SLC2A14: variants seen among roughly 807,000 people sequenced by gnomAD.
SLC2A14 encodes solute carrier family 2 member 14.
SLC2A14 carries 13 observed loss-of-function variants against 43.0 expected under a neutral mutation model. The observed-to-expected ratio is 0.30, with a 90% CI of 0.20 to 0.48. The LOEUF is 0.48. Ranked by LOEUF, SLC2A14 falls within the 20% of genes least tolerant of loss-of-function variation. The probability of loss-of-function intolerance (pLI) is 0.99; values close to 1 mark genes in which losing one functional copy is unlikely to be tolerated. For missense variants in SLC2A14, 428 were observed against 620.4 expected, an observed-to-expected ratio of 0.69 and a Z score of 3.29; for synonymous variants, 190 against 233.8, an observed-to-expected ratio of 0.81 and a Z score of 1.71.
In SLC2A14 at chr12:7,832,916, T is replaced by A. The variant is rs1297572943; in HGVS notation, c.19-102A>T. The A allele has an allele frequency of 4.4e-6, 5 of 1,129,024 alleles. No homozygotes were observed. In the Admixed American group the frequency reaches 1.1e-4, roughly 25 times the overall value. The allele number at this position is 1,129,024 out of a possible 1,614,324, so 69.9% of individuals were successfully genotyped here. A position where few individuals can be genotyped will look rare whatever the true frequency, so the allele number is the denominator to read the frequency against. On this transcript the variant is annotated intron_variant, in intron 2 of 10. Coordinates refer to ENST00000431042, the MANE Select transcript of SLC2A14 (RefSeq NM_001286234.2). ...AGCTGTATTAGGAGAATCTGACCTATGAGTGGTATGAAAAGGACAAACATC... is the reference window on the plus strand; with the variant it reads ...AGCTGTATTAGGAGAATCTGACCTAAGAGTGGTATGAAAAGGACAAACATC...
chr12:7,829,618 C>T lies in SLC2A14; in HGVS notation c.513+148G>A, dbSNP rs184049135. On this transcript the variant is annotated intron_variant, in intron 5 of 10. Coordinates refer to ENST00000431042, the MANE Select transcript of SLC2A14 (RefSeq NM_001286234.2). ...TTGTGCTTCTTTTCCTTTCTCTACT[C>T]AACCTGCTTCTTCAGCTACTATCTA... The T allele has an allele frequency of 1.0e-4, 124 of 1,220,608 alleles. No homozygotes were observed. The African/African-American group carries it at 1.7e-3, about 17-fold the overall frequency. The allele number at this position is 1,220,608 out of a possible 1,614,324, so 75.6% of individuals were successfully genotyped here. A position where few individuals can be genotyped will look rare whatever the true frequency, so the allele number is the denominator to read the frequency against.
intron 1 of SLC2A14, among the ~76,000 whole-genome samples, chr12:7,880,556 T>G (rs775717420): frequency 6.6e-5 from 10 of 151,706 alleles, no homozygotes; most frequent in African/African-American, 1.9e-4. Context: ...AGGCTGGGTG[T>G]GGTGGCCCAT....
chr12:7,858,630 G>T (rs1411777133), intron 2 of SLC2A14, among the ~76,000 whole-genome samples: 1 of 152,094 alleles, frequency 6.6e-6, no homozygotes, highest in African/African-American at 2.4e-5. Context: ...CTCCCGAGTA[G>T]CTGGGATTCC....
At chr12:7,815,270 G>T (rs1863333900) in intron 10 of SLC2A14, among the ~76,000 whole-genome samples, 1 of 151,568 alleles carries the variant, frequency 6.6e-6, no homozygotes, top group Non-Finnish European at 1.5e-5. Flanking sequence ...AAAAAAAATT[G>T]CTGGGAGTGG....
At chr12:7,840,584 C>T (rs1433150997) in intron 2 of SLC2A14, among the ~76,000 whole-genome samples, 2 of 152,066 alleles carry the variant, frequency 1.3e-5, no homozygotes, top group African/African-American at 4.8e-5. Flanking sequence ...CAGGGTTTCA[C>T]CATGTTGGTC....
rs1172207954 is a variant in SLC2A14 at position 7,814,134 on chromosome 12, T to C, written c.*182A>G. ...GAAGAGGATGTCCAGGAAATAAAAT[T>C]TAAAAAGCCATTGAAGATCCAACAA... is the stretch of plus-strand genomic sequence containing the variant. On this transcript the variant is annotated 3_prime_UTR_variant, in exon 11 of 11. Coordinates refer to ENST00000431042, the MANE Select transcript of SLC2A14 (RefSeq NM_001286234.2). The C allele has an allele frequency of 9.3e-6, 10 of 1,074,522 alleles. No homozygotes were observed. The African/African-American group carries it at 1.4e-4, about 15-fold the overall frequency. 66.6% of individuals were successfully genotyped at this position (1,074,522 alleles called of 1,614,324 possible).
At chr12:7,889,523 G>A (rs1017001715) in intron 1 of SLC2A14, among the ~76,000 whole-genome samples, 2 of 143,720 alleles carry the variant, frequency 1.4e-5, no homozygotes, top group African/African-American at 5.1e-5. Context: ...GTGAGCCACC[G>A]TGCCTGACCT....
At chr12:7,885,785 T>G (rs1945677717) in intron 1 of SLC2A14, among the ~76,000 whole-genome samples, 2 of 152,214 alleles carry the variant, frequency 1.3e-5, no homozygotes, top group South Asian at 2.1e-4. Flanking sequence ...CAATAAGTGA[T>G]GCTCATCGTG....
chr12:7,873,092 A>G, upstream of SLC2A14: 3 of 985,350 alleles, frequency 3.0e-6, no homozygotes, highest in Non-Finnish European at 3.6e-6. Context: ...TGCGCACCGC[A>G]CGGTCCAGCC....
chr12:7,882,107 C>T (rs887221299), intron 1 of SLC2A14, among the ~76,000 whole-genome samples: 3 of 151,988 alleles, frequency 2.0e-5, no homozygotes, highest in African/African-American at 7.2e-5. Flanking sequence ...TTCTTTTTTT[C>T]TTTGCAATAA....
intron 7 of SLC2A14, among the ~76,000 whole-genome samples, chr12:7,826,811 G>A (rs1341321815): frequency 4.1e-5 from 6 of 146,382 alleles, no homozygotes; most frequent in Admixed American, 6.8e-5. Context: ...TTCCAGGCTC[G>A]CTCTTTTTTC....
chr12:7,887,982 C>T (rs1397379559), intron 1 of SLC2A14, among the ~76,000 whole-genome samples: 1 of 152,128 alleles, frequency 6.6e-6, no homozygotes, highest in Admixed American at 6.6e-5. Context: ...ACTTTACAGT[C>T]TGTCTTTGCC....
upstream of SLC2A14, among the ~76,000 whole-genome samples, chr12:7,876,706 G>C (rs114372455): frequency 2.6e-3 from 401 of 152,164 alleles, no homozygotes; most frequent in African/African-American, 9.1e-3. Context: ...CGTCTGTGGA[G>C]AGATGAATAG....
At chr12:7,831,511 C>T in intron 4 of SLC2A14, 93 bp downstream of exon 4, 2 of 1,545,940 alleles carry the variant, frequency 1.3e-6, no homozygotes, top group South Asian at 2.4e-5. Context: ...TGTTCTTATT[C>T]AAAGGCATCA....
intron 1 of SLC2A14, among the ~76,000 whole-genome samples, chr12:7,883,263 C>CTTTTTTTTTTTTTTTTTT (rs372464881): frequency 9.2e-6 from 1 of 108,404 alleles, no homozygotes; most frequent in Non-Finnish European, 1.8e-5. Flanking sequence ...TTCTTTCTTT[C>CTTTTTTTTTTTTTTTTTT]TTTTTTTTTT....
chr12:7,841,563 ATC>A (rs1245518593), intron 2 of SLC2A14, among the ~76,000 whole-genome samples: 1 of 152,188 alleles, frequency 6.6e-6, no homozygotes, highest in Non-Finnish European at 1.5e-5. Flanking sequence ...GCCGAGCCAC[ATC>A]TGTCATGTTA....
In SLC2A14 at chr12:7,835,573, G is replaced by T. The variant is rs113687362; in HGVS notation, c.19-2759C>A. ...ATCCTAGAATCTAAATCTGCAGAAT[G>T]TAAATCTCAATCCTAGTTTCATGCA... On this transcript the variant is annotated intron_variant, in intron 2 of 10. Coordinates refer to ENST00000431042, the MANE Select transcript of SLC2A14 (RefSeq NM_001286234.2). Among the ~76,000 whole-genome samples, 504 of 152,338 alleles carry T rather than the reference G, an allele frequency of 3.3e-3. 1 individual carries two copies. The highest frequency in any genetic ancestry group is 0.011 in the African/African-American group (462 of 41,582).
intron 1 of SLC2A14, among the ~76,000 whole-genome samples, chr12:7,882,258 TAAG>T (rs970903839): frequency 5.3e-5 from 8 of 151,658 alleles, no homozygotes; most frequent in South Asian, 4.2e-4. Context: ...CGGGTTGCCT[TAAG>T]AGAGCTGTAA....
At chr12:7,865,314 G>A (rs924627708) in intron 2 of SLC2A14, among the ~76,000 whole-genome samples, 1 of 152,098 alleles carries the variant, frequency 6.6e-6, no homozygotes, top group African/African-American at 2.4e-5. Flanking sequence ...AAGGTGGGCG[G>A]ATCACGAGGT....
Sources: allele counts gnomAD v4.1 joint callset (sites outside exome capture counted in the v4.1 genomes callset), GRCh38; gene constraint gnomAD v4.1.1; transcripts MANE v1.5; gene names NCBI Gene and HGNC (gene_info 2026-07-23, HGNC 2026-07-21).